The following ACTN4 variants were observed in gnomAD, a reference collection of about 807,000 sequenced individuals.
ACTN4 encodes the protein actinin alpha 4.
A neutral mutation model predicts 114.2 loss-of-function variants in ACTN4; 18 were observed. That is an observed-to-expected ratio of 0.16 (90% CI 0.11 to 0.23). The LOEUF (loss-of-function observed/expected upper bound fraction) is 0.23, where lower values mean the gene tolerates loss of function less well. ACTN4 is among the 10% of genes least tolerant of loss of function. The pLI is 1.00. For missense variants in ACTN4, 722 were observed against 1,262.9 expected (o/e 0.57, Z 6.49); for synonymous variants, 515 against 506.3 (o/e 1.02, Z -0.23).
intron 1 of ACTN4, among the ~76,000 whole-genome samples, chr19:38,693,139 G>A (rs73034621): frequency 0.15 from 22,787 of 152,068 alleles, 1,999 homozygotes; most frequent in Middle Eastern, 0.36. Context: ...GGCAGCAAAC[G>A]TTTTTTTCTA....
rs201758431 is a variant in ACTN4 at position 38,730,154 on chromosome 19, CAA to C, written c.*728_*729del. On this transcript the variant is annotated 3_prime_UTR_variant, in exon 21 of 21. Transcript: ENST00000252699. The stretch of plus-strand genomic sequence containing the variant: ...CCAAAAAAAAAAAAAATCACAAAAA[CAA>C]AAAAACTATAAAAAAGAAAGAATTA... 4.6e-5 allele frequency: 6 copies of C among 131,056 alleles called. No individual in the cohort carries two copies. Among genetic ancestry groups the C allele is most frequent in the Non-Finnish European group, 1.0e-4 (6 of 59,982 alleles). 8.1% of individuals were successfully genotyped at this position (131,056 alleles called of 1,614,324 possible). A position where few individuals can be genotyped will look rare whatever the true frequency, so the allele number is the denominator to read the frequency against.
chr19:38,724,149 T>G lies in ACTN4; in HGVS notation c.1693-8T>G. ...TGGGCCGCCCCCTCACTCCAGCTCC[T>G]CCCCTAGGGCCTGATCTCAGCCCAT... On this transcript the variant is annotated splice_region_variant and splice_polypyrimidine_tract_variant and intron_variant, in intron 14 of 20. Coordinates refer to ENST00000252699, the MANE Select transcript of ACTN4 (RefSeq NM_004924.6). This position sits in a 1 kb window ranked among gnomAD's most constrained non-coding sequence, Gnocchi z 7.0. 6.2e-7 allele frequency: 1 copy of G among 1,613,284 alleles called. No homozygotes were observed. Among genetic ancestry groups the G allele is most frequent in the Non-Finnish European group, 8.5e-7 (1 of 1,179,926 alleles).
intron 13 of ACTN4, 49 bp downstream of exon 13, chr19:38,723,771 C>A: frequency 6.6e-7 from 1 of 1,508,836 alleles, no homozygotes; most frequent in Non-Finnish European, 9.1e-7. Flanking sequence ...CCTGCTGCCC[C>A]GGGGCTGGTG....
chr19:38,684,955 T>A (rs887009738), intron 1 of ACTN4, among the ~76,000 whole-genome samples: 7 of 152,150 alleles, frequency 4.6e-5, no homozygotes, highest in Admixed American at 2.6e-4. Context: ...GTTTGTTTGT[T>A]TGTTTGTTTG....
chr19:38,674,664 C>T (rs1967318835), intron 1 of ACTN4, among the ~76,000 whole-genome samples: 2 of 152,132 alleles, frequency 1.3e-5, no homozygotes, highest in South Asian at 2.1e-4. Context: ...TGCCCCAGGC[C>T]CCTCAGTCAG....
intron 1 of ACTN4, among the ~76,000 whole-genome samples, chr19:38,694,388 T>C (rs1968025668): frequency 6.6e-6 from 1 of 151,714 alleles, no homozygotes; most frequent in African/African-American, 2.4e-5. Context: ...GCTTCCCGAG[T>C]AGCTGGGTTT....
intron 1 of ACTN4, among the ~76,000 whole-genome samples, chr19:38,648,622 A>G (rs1976461084): frequency 6.6e-6 from 1 of 151,806 alleles, no homozygotes; most frequent in Non-Finnish European, 1.5e-5. Context: ...TGGGGTGCGG[A>G]AGGAAGAAGT....
At chr19:38,666,772 TC>T in intron 1 of ACTN4, among the ~76,000 whole-genome samples, 1 of 152,340 alleles carries the variant, frequency 6.6e-6, no homozygotes, top group East Asian at 1.9e-4. Flanking sequence ...TAGATCATTA[TC>T]CCAGGCTAAT....
intron 1 of ACTN4, among the ~76,000 whole-genome samples, chr19:38,666,753 C>T (rs1347787669): frequency 1.3e-5 from 2 of 152,202 alleles, no homozygotes; most frequent in Non-Finnish European, 2.9e-5. Flanking sequence ...AGAAATCTGT[C>T]ACCCCTCCTA....
Position 38,727,950 on chromosome 19 carries a change from A to T in ACTN4, c.2342A>T (p.His781Leu). ...RASFNHFDKD[H>L]GGALGPEEFK... Reference sequence around the variant, plus strand: ...GCCTTCGGATGGCCCCGGCAGGATCATGGCGGGGCGCTGGGGCCCGAGGAG... The same window carrying T: ...GCCTTCGGATGGCCCCGGCAGGATCTTGGCGGGGCGCTGGGGCCCGAGGAG... Residue 781 changes from histidine to leucine, a missense_variant, in exon 19 of 21, where the codon CAT (histidine) becomes CTT (leucine). Coordinates refer to ENST00000252699, the MANE Select transcript of ACTN4 (RefSeq NM_004924.6). The surrounding 1 kb of genome is among the most constrained non-coding windows in gnomAD (Gnocchi z 5.4). 2 of 1,612,252 alleles carry T rather than the reference A, an allele frequency of 1.2e-6. No homozygotes were observed. The highest frequency in any genetic ancestry group is 2.7e-5 in the African/African-American group (2 of 74,956).
chr19:38,726,923 C>T, intron 17 of ACTN4, 34 bp from the exon 18 acceptor site: 1 of 1,612,572 alleles, frequency 6.2e-7, no homozygotes, highest in Non-Finnish European at 8.5e-7. Flanking sequence ...GTTCACAGCA[C>T]CCGGCCCACG....
At chr19:38,692,314 G>A (rs1967957318) in intron 1 of ACTN4, among the ~76,000 whole-genome samples, 1 of 152,266 alleles carries the variant, frequency 6.6e-6, no homozygotes, top group Non-Finnish European at 1.5e-5. Flanking sequence ...CGCAGTGCTA[G>A]CCCTGATTGC....
At chr19:38,698,419 C>T (rs1255138466) in intron 1 of ACTN4, among the ~76,000 whole-genome samples, 1 of 152,172 alleles carries the variant, frequency 6.6e-6, no homozygotes, top group Non-Finnish European at 1.5e-5. Flanking sequence ...GTACTCTCCG[C>T]AGTGAGAACC....
intron 1 of ACTN4, among the ~76,000 whole-genome samples, chr19:38,684,450 A>T (rs1259511309): frequency 6.6e-6 from 1 of 152,046 alleles, no homozygotes; most frequent in East Asian, 1.9e-4. Context: ...CACCCCCTGC[A>T]GGACAAACCA....
Position 38,724,562 on chromosome 19 carries a change from G to A in ACTN4, c.2007G>A (p.Met669Ile). 6.2e-7 allele frequency: 1 copy of A among 1,613,602 alleles called. No homozygotes were observed. The highest frequency in any genetic ancestry group is 8.5e-7 in the Non-Finnish European group (1 of 1,179,974). Reference sequence around the variant, plus strand: ...TGGGGCCCTGGATCCAGACCAAGATGGAGGTGAGGCACGGCTGAGCCCCAC... The same window carrying A: ...TGGGGCCCTGGATCCAGACCAAGATAGAGGTGAGGCACGGCTGAGCCCCAC... ...NVVGPWIQTK[M>I]EEIGRISIEM... is the part of the protein sequence containing the mutation. The change falls in exon 16 of 21, where the codon ATG (methionine) becomes ATA (isoleucine). Residue 669 changes from methionine (M) to isoleucine (I), a missense_variant. Met to Ile is a conservative substitution (Grantham distance 10). Around this residue, in one of 3 missense-constraint regions of ACTN4, gnomAD observed 523 missense variants for 875.9 expected, o/e 0.60. Coordinates refer to ENST00000252699, the MANE Select transcript of ACTN4 (RefSeq NM_004924.6). This position sits in a 1 kb window ranked among gnomAD's most constrained non-coding sequence, Gnocchi z 7.0.
intron 1 of ACTN4, among the ~76,000 whole-genome samples, chr19:38,679,332 G>A (rs1179910907): frequency 6.6e-6 from 1 of 152,090 alleles, no homozygotes; most frequent in Non-Finnish European, 1.5e-5. Flanking sequence ...CAGTGTGCCC[G>A]GCACTGTGTC....
intron 1 of ACTN4, among the ~76,000 whole-genome samples, chr19:38,695,864 G>T (rs937286855): frequency 9.9e-5 from 15 of 152,050 alleles, no homozygotes; most frequent in African/African-American, 3.1e-4. Context: ...CATGCTGACC[G>T]CACTCTTCAG....
chr19:38,686,291 G>A (rs977907699), intron 1 of ACTN4, among the ~76,000 whole-genome samples: 2 of 152,190 alleles, frequency 1.3e-5, no homozygotes, highest in African/African-American at 4.8e-5. Context: ...AAGATTCCAG[G>A]CCACACTGTC....
intron 11 of ACTN4, among the ~76,000 whole-genome samples, chr19:38,718,722 G>T (rs543957045): frequency 6.6e-6 from 1 of 152,268 alleles, no homozygotes; most frequent in East Asian, 1.9e-4. Context: ...CCATCTGTTT[G>T]TCCCCTCTGC....
Sources: gnomAD v4.1 joint callset for allele counts (sites outside exome capture counted in the v4.1 genomes callset) on GRCh38, gnomAD v4.1.1 for gene constraint, gnomAD v4.1.1 regional missense constraint, Gnocchi (gnomAD v3.1) non-coding constraint, MANE v1.5 for transcripts, NCBI Gene and HGNC (gene_info 2026-07-23, HGNC 2026-07-21) for gene names.